FAM219A: variants seen among roughly 807,000 people sequenced by gnomAD.
FAM219A encodes family with sequence similarity 219 member A.
Under a neutral mutation model 23.4 loss-of-function variants are expected in FAM219A, and 7 were observed. That is an observed-to-expected ratio of 0.30 (90% confidence interval 0.17 to 0.56). The LOEUF is 0.56. Among genes scored for constraint, FAM219A ranks in the 20% least tolerant of loss-of-function variants. The pLI is 0.92. For synonymous variants in FAM219A, 93 were observed against 99.0 expected, an observed-to-expected ratio of 0.94 and a Z score of 0.36; for missense variants, 166 against 246.9, an observed-to-expected ratio of 0.67 and a Z score of 2.20.
chr9:34,456,092 C>T (rs1199754971), intron 1 of FAM219A, among the ~76,000 whole-genome samples: 1 of 152,136 alleles, frequency 6.6e-6, no homozygotes, highest in Non-Finnish European at 1.5e-5. Flanking sequence ...ACTTGGGAGG[C>T]TGAGGTAGGA....
intron 1 of FAM219A, among the ~76,000 whole-genome samples, chr9:34,407,543 T>C (rs970726636): frequency 1.3e-5 from 2 of 152,094 alleles, no homozygotes; most frequent in South Asian, 4.1e-4. Flanking sequence ...GCAAAGTCAG[T>C]GATGGAGTCA....
At chr9:34,432,461 A>G (rs1211749315) in intron 1 of FAM219A, among the ~76,000 whole-genome samples, 1 of 152,178 alleles carries the variant, frequency 6.6e-6, no homozygotes. Flanking sequence ...TTTTTCTGGA[A>G]GCTATTTTCC....
At chr9:34,422,781 G>A (rs184657717) in intron 1 of FAM219A, among the ~76,000 whole-genome samples, 25 of 152,304 alleles carry the variant, frequency 1.6e-4, no homozygotes, top group Non-Finnish European at 3.4e-4. Flanking sequence ...AAGAAAAGGA[G>A]ATGAAAGGGG....
chr9:34,434,514 C>T (rs1822832868), intron 1 of FAM219A, among the ~76,000 whole-genome samples: 1 of 152,134 alleles, frequency 6.6e-6, no homozygotes, highest in South Asian at 2.1e-4. Flanking sequence ...AGTAACTCCC[C>T]TGAAGTCCCA....
chr9:34,416,243 GA>G (rs1187718629), intron 1 of FAM219A, among the ~76,000 whole-genome samples: 1 of 120,692 alleles, frequency 8.3e-6, no homozygotes, highest in Admixed American at 9.2e-5. Flanking sequence ...AAGAAAGAAA[GA>G]AAGAAAGAAA....
intron 1 of FAM219A, among the ~76,000 whole-genome samples, chr9:34,443,197 C>CT (rs1248408804): frequency 6.6e-6 from 1 of 152,084 alleles, no homozygotes; most frequent in Non-Finnish European, 1.5e-5. Flanking sequence ...GCAATGTTGA[C>CT]TTTTTCATAT....
chr9:34,439,060 A>T (rs986182643), intron 1 of FAM219A, among the ~76,000 whole-genome samples: 2 of 152,158 alleles, frequency 1.3e-5, no homozygotes, highest in Non-Finnish European at 2.9e-5. Flanking sequence ...AAGAGCTGTA[A>T]CACTCACCGC....
intron 1 of FAM219A, among the ~76,000 whole-genome samples, chr9:34,411,425 C>T (rs1038597135): frequency 2.0e-5 from 3 of 150,784 alleles, no homozygotes; most frequent in Non-Finnish European, 3.0e-5. Context: ...CACGGTGGCT[C>T]ACGCCTGTAA....
intron 1 of FAM219A, among the ~76,000 whole-genome samples, chr9:34,447,587 C>T (rs1588073840): frequency 2.0e-5 from 3 of 152,178 alleles, no homozygotes; most frequent in African/African-American, 4.8e-5. Context: ...TATAATAGGG[C>T]CTTTCCTCGC....
intron 1 of FAM219A, among the ~76,000 whole-genome samples, chr9:34,443,020 G>A (rs1362627070): frequency 1.3e-5 from 2 of 152,082 alleles, no homozygotes; most frequent in South Asian, 2.1e-4. Context: ...AGTAGGTGGG[G>A]TATGGGTGAA....
chr9:34,423,916 C>T lies in FAM219A; in HGVS notation c.61-17952G>A, dbSNP rs549643245. Among the ~76,000 whole-genome samples, 18 of 152,124 alleles carry T rather than the reference C, an allele frequency of 1.2e-4. 1 individual carries two copies. The South Asian group carries it at 3.7e-3, about 32-fold the overall frequency. On this transcript the variant is annotated intron_variant, in intron 1 of 5. Coordinates refer to ENST00000651358, the MANE Select transcript of FAM219A (RefSeq NM_001184940.2). ...GGTGACTGCGTGAATTGTGATGCCA[C>T]CAAATAAGATGGAGAAACAGAAATA...
At chr9:34,432,539 T>C (rs1486690526) in intron 1 of FAM219A, among the ~76,000 whole-genome samples, 2 of 152,222 alleles carry the variant, frequency 1.3e-5, no homozygotes, top group East Asian at 1.9e-4. Context: ...CCTCCTCTTA[T>C]ACTGTAGACA....
intron 1 of FAM219A, among the ~76,000 whole-genome samples, chr9:34,435,283 C>T (rs1822860607): frequency 6.6e-6 from 1 of 152,134 alleles, no homozygotes; most frequent in Admixed American, 6.5e-5. Flanking sequence ...ACACACAGGT[C>T]TCTGGCAGCA....
chr9:34,438,164 G>A (rs920301123), intron 1 of FAM219A, among the ~76,000 whole-genome samples: 1 of 152,222 alleles, frequency 6.6e-6, no homozygotes, highest in African/African-American at 2.4e-5. Context: ...CCTTCCTGCG[G>A]GGCAGGGCTC....
intron 1 of FAM219A, 80 bp from the exon 2 acceptor site, chr9:34,406,044 C>A: frequency 7.3e-7 from 1 of 1,365,864 alleles, no homozygotes. Flanking sequence ...AGCTAGCCTT[C>A]CCACCTGCCC....
At chr9:34,431,245 A>G (rs1009211527) in intron 1 of FAM219A, among the ~76,000 whole-genome samples, 6 of 152,174 alleles carry the variant, frequency 3.9e-5, no homozygotes, top group Non-Finnish European at 8.8e-5. Context: ...GAAGCTCAGG[A>G]TAAAATAGAC....
chr9:34,422,792 C>T (rs989035876), intron 1 of FAM219A, among the ~76,000 whole-genome samples: 1 of 152,134 alleles, frequency 6.6e-6, no homozygotes, highest in Non-Finnish European at 1.5e-5. Flanking sequence ...ATGAAAGGGG[C>T]CTTAGCCACC....
chr9:34,408,034 G>T (rs543117320), intron 1 of FAM219A, among the ~76,000 whole-genome samples: 43 of 152,310 alleles, frequency 2.8e-4, no homozygotes, highest in African/African-American at 8.2e-4. Flanking sequence ...ACAAGGCTCT[G>T]GGTGGGTTGT....
chr9:34,421,629 C>T (rs1822288566), intron 1 of FAM219A, among the ~76,000 whole-genome samples: 1 of 151,924 alleles, frequency 6.6e-6, no homozygotes, highest in Non-Finnish European at 1.5e-5. Context: ...CCCAAAGAGC[C>T]CCCTACAGCT....
Sources: allele counts gnomAD v4.1 joint callset (sites outside exome capture counted in the v4.1 genomes callset), GRCh38; gene constraint gnomAD v4.1.1; transcripts MANE v1.5; gene names NCBI Gene and HGNC (gene_info 2026-07-23, HGNC 2026-07-21).